MACROD2: variants seen among roughly 807,000 people sequenced by gnomAD.
The protein encoded by MACROD2 is mono-ADP ribosylhydrolase 2.
In MACROD2, 36 loss-of-function variants were observed where a neutral mutation model predicts 70.4. The ratio of observed to expected loss-of-function variants is 0.51; its 90% CI spans 0.39 to 0.68. The LOEUF is 0.68. Ranked by LOEUF, MACROD2 falls within the 30% of genes least tolerant of loss-of-function variation. The probability of loss-of-function intolerance (pLI) is 0.00; values close to 1 mark genes in which losing one functional copy is unlikely to be tolerated. For missense variants in MACROD2, 496 were observed against 538.4 expected, an observed-to-expected ratio of 0.92 and a Z score of 0.78; for synonymous variants, 172 against 178.8, an observed-to-expected ratio of 0.96 and a Z score of 0.30.
At chr20:14,989,177 T>G (rs907713844) in intron 5 of MACROD2, among the ~76,000 whole-genome samples, 8 of 152,212 alleles carry the variant, frequency 5.3e-5, no homozygotes, top group Admixed American at 2.0e-4. Context: ...ATATATTACT[T>G]TTCTGGATGA....
At chr20:14,281,735 G>T (rs1190586433) in intron 3 of MACROD2, among the ~76,000 whole-genome samples, 1 of 151,884 alleles carries the variant, frequency 6.6e-6, no homozygotes, top group African/African-American at 2.4e-5. Flanking sequence ...AGGAGTTAGA[G>T]ACCAGCCTGA....
intron 5 of MACROD2, chr20:14,905,512 G>C (rs772907321): frequency 9.2e-5 from 14 of 152,076 alleles, no homozygotes; most frequent in Non-Finnish European, 1.0e-4. Flanking sequence ...TGACATCTAT[G>C]CCCTTGAACA....
chr20:14,253,020 C>G (rs1393344677), intron 3 of MACROD2, among the ~76,000 whole-genome samples: 1 of 151,840 alleles, frequency 6.6e-6, no homozygotes, highest in East Asian at 1.9e-4. Context: ...GGTATGAACC[C>G]TGTTGTTTTG....
intron 8 of MACROD2, among the ~76,000 whole-genome samples, chr20:15,779,150 A>G (rs1288587830): frequency 1.3e-5 from 2 of 152,118 alleles, no homozygotes; most frequent in African/African-American, 4.8e-5. Flanking sequence ...ACTCGGCATT[A>G]TTATTCAGAG....
intron 7 of MACROD2, among the ~76,000 whole-genome samples, chr20:15,465,892 G>A (rs915309416): frequency 1.3e-5 from 2 of 152,130 alleles, no homozygotes; most frequent in African/African-American, 4.8e-5. Flanking sequence ...CATATTTACT[G>A]AGCCCATGCT....
In MACROD2 at chr20:15,834,873, G is replaced by A. The variant is rs145130795; in HGVS notation, c.646-27872G>A. Among the ~76,000 whole-genome samples the A allele has an allele frequency of 2.2e-3, 333 of 152,090 alleles. 1 individual carries two copies. The highest frequency in any genetic ancestry group is 7.0e-3 in the African/African-American group (291 of 41,502). Reference sequence around the variant, plus strand: ...CTGACATTCATGGCTCATGAATATCGCACTCCCCTCCCATTTCAATCATGG... The same window carrying A: ...CTGACATTCATGGCTCATGAATATCACACTCCCCTCCCATTTCAATCATGG... On this transcript the variant is annotated intron_variant, in intron 8 of 17. Transcript: ENST00000684519.
chr20:14,200,567 TTTAAG>T (rs1333933287), intron 3 of MACROD2, among the ~76,000 whole-genome samples: 6 of 152,190 alleles, frequency 3.9e-5, no homozygotes, highest in Admixed American at 2.0e-4. Context: ...TTTCCTCCTC[TTTAAG>T]AGTATTTCCT....
At chr20:14,221,347 G>T (rs2081671949) in intron 3 of MACROD2, among the ~76,000 whole-genome samples, 1 of 152,010 alleles carries the variant, frequency 6.6e-6, no homozygotes, top group African/African-American at 2.4e-5. Context: ...ACATTATTGT[G>T]GTATTTTGAA....
intron 5 of MACROD2, among the ~76,000 whole-genome samples, chr20:15,033,193 G>T (rs2075288528): frequency 6.6e-6 from 1 of 152,096 alleles, no homozygotes; most frequent in African/African-American, 2.4e-5. Flanking sequence ...ACCACTGAAT[G>T]GTATGCTTAA....
At chr20:15,555,792 G>GCACT (rs1261459267) in intron 8 of MACROD2, among the ~76,000 whole-genome samples, 1 of 120,132 alleles carries the variant, frequency 8.3e-6, no homozygotes, top group Non-Finnish European at 1.6e-5. Flanking sequence ...TTGCGCCACT[G>GCACT]CACTCCAGCC....
intron 3 of MACROD2, among the ~76,000 whole-genome samples, chr20:14,279,778 T>G (rs1237747202): frequency 6.6e-6 from 1 of 152,174 alleles, no homozygotes; most frequent in Non-Finnish European, 1.5e-5. Flanking sequence ...AAGCATAGAT[T>G]TTTTTCTTTC....
intron 3 of MACROD2, among the ~76,000 whole-genome samples, chr20:14,120,018 G>A (rs1202170795): frequency 6.6e-6 from 1 of 151,840 alleles, no homozygotes; most frequent in Non-Finnish European, 1.5e-5. Context: ...AGACCAGCCT[G>A]GGCAACATGG....
intron 8 of MACROD2, among the ~76,000 whole-genome samples, chr20:15,692,491 C>A (rs1207763499): frequency 6.6e-6 from 1 of 152,116 alleles, no homozygotes; most frequent in Non-Finnish European, 1.5e-5. Context: ...AAGAACTGTG[C>A]TTCTCACTCC....
intron 6 of MACROD2, among the ~76,000 whole-genome samples, chr20:15,354,870 A>G (rs184442252): frequency 3.9e-5 from 6 of 152,332 alleles, no homozygotes; most frequent in Admixed American, 3.3e-4. Flanking sequence ...TTGTATCTGT[A>G]CCATGATAGA....
At chr20:14,939,039 C>T (rs1354657882) in intron 5 of MACROD2, among the ~76,000 whole-genome samples, 2 of 148,720 alleles carry the variant, frequency 1.3e-5, no homozygotes, top group East Asian at 3.9e-4. Flanking sequence ...ACATATTTCT[C>T]CCATGCTATG....
intron 6 of MACROD2, among the ~76,000 whole-genome samples, chr20:15,425,293 TTATC>T (rs1289747286): frequency 1.3e-5 from 2 of 152,170 alleles, no homozygotes; most frequent in Non-Finnish European, 2.9e-5. Flanking sequence ...TGCTTAAAAA[TTATC>T]TACATAAATC....
intron 6 of MACROD2, among the ~76,000 whole-genome samples, chr20:15,262,893 T>C (rs1053038303): frequency 6.6e-6 from 1 of 152,046 alleles, no homozygotes; most frequent in African/African-American, 2.4e-5. Flanking sequence ...ATTAGTTTTA[T>C]TTTTCTCTAT....
intron 8 of MACROD2, among the ~76,000 whole-genome samples, chr20:15,547,680 G>A (rs187788146): frequency 4.9e-4 from 75 of 152,174 alleles, no homozygotes; most frequent in Non-Finnish European, 6.6e-4. Flanking sequence ...GCATTTAGTC[G>A]TTCTCCTCTG....
At chr20:15,285,022 ATTTC>A (rs755842598) in intron 6 of MACROD2, among the ~76,000 whole-genome samples, 4 of 152,066 alleles carry the variant, frequency 2.6e-5, no homozygotes, top group African/African-American at 4.8e-5. Flanking sequence ...GGTTTGGTCC[ATTTC>A]TTCTATTTTT....
Sources: gnomAD v4.1 joint callset for allele counts (sites outside exome capture counted in the v4.1 genomes callset) on GRCh38, gnomAD v4.1.1 for gene constraint, MANE v1.5 for transcripts, NCBI Gene and HGNC (gene_info 2026-07-23, HGNC 2026-07-21) for gene names.